SPATA13: variants seen among roughly 807,000 people sequenced by gnomAD.
The protein encoded by SPATA13 is spermatogenesis associated 13.
SPATA13 carries 50 observed loss-of-function variants against 104.0 expected under a neutral mutation model. That is an observed-to-expected ratio of 0.48 (90% CI 0.38 to 0.61). The LOEUF (loss-of-function observed/expected upper bound fraction) is 0.61. Among genes scored for constraint, SPATA13 ranks in the 20% least tolerant of loss-of-function variants. The pLI, the probability that SPATA13 is intolerant of heterozygous loss-of-function variation, is 0.00. For synonymous variants in SPATA13, 606 were observed against 667.5 expected (o/e 0.91, Z 1.42); for missense variants, 1,524 against 1,690.6 (o/e 0.90, Z 1.73).
At chr13:24,035,205 A>T (rs1877633127) in intron 3 of SPATA13, among the ~76,000 whole-genome samples, 1 of 152,134 alleles carries the variant, frequency 6.6e-6, no homozygotes, top group Non-Finnish European at 1.5e-5. Context: ...CCCAGGCTGG[A>T]ATGCAGAGGT....
At chr13:24,107,162 T>G (rs1463853723) in intron 3 of SPATA13, among the ~76,000 whole-genome samples, 1 of 134,122 alleles carries the variant, frequency 7.5e-6, no homozygotes, top group Non-Finnish European at 1.5e-5. Context: ...AAGCAGATAT[T>G]AAGTCTAGGA....
chr13:24,175,171 G>A (rs191948491), intron 1 of SPATA13, among the ~76,000 whole-genome samples: 1 of 152,276 alleles, frequency 6.6e-6, no homozygotes, highest in Admixed American at 6.5e-5. Flanking sequence ...TTTTGGTCGA[G>A]GGCATTAATC....
At chr13:24,014,016 AG>A (rs1876597787) in intron 2 of SPATA13, among the ~76,000 whole-genome samples, 1 of 152,148 alleles carries the variant, frequency 6.6e-6, no homozygotes, top group South Asian at 2.1e-4. Flanking sequence ...CGTCACGCAA[AG>A]GGGCTGTATA....
intron 3 of SPATA13, among the ~76,000 whole-genome samples, chr13:24,032,464 G>C (rs1307344465): frequency 2.0e-5 from 3 of 152,180 alleles, no homozygotes; most frequent in Non-Finnish European, 4.4e-5. Flanking sequence ...GGAATAAATG[G>C]AATGTTGTTG....
chr13:24,193,304 T>G (rs1869874836), intron 1 of SPATA13, among the ~76,000 whole-genome samples: 1 of 149,990 alleles, frequency 6.7e-6, no homozygotes. Context: ...CAAGGGAAAG[T>G]AGGTGAGGGT....
chr13:24,129,328 C>G (rs1209995452), intron 3 of SPATA13, among the ~76,000 whole-genome samples: 1 of 152,238 alleles, frequency 6.6e-6, no homozygotes, highest in Non-Finnish European at 1.5e-5. Context: ...TTTCATCCTT[C>G]AATTCCCATG....
rs1871767096 is a variant in SPATA13, at chr13:24,223,920, G to T, written c.991G>T (p.Ala331Ser). 6.4e-7 allele frequency: 1 copy of T among 1,551,470 alleles called. No individual in the cohort carries two copies. The highest frequency in any genetic ancestry group is 2.0e-5 in the Admixed American group (1 of 50,994). Reference protein sequence around the residue: ...FKLVSNVTEAAWRRESPRSGA... With the variant: ...FKLVSNVTEASWRRESPRSGA... ...ACTTGTGAGCAATGTGACTGAGGCT[G>T]CCTGGAGGAGGGAGAGTCCTAGGAG... The change falls in exon 2 of 13, where the codon GCC (alanine) becomes TCC (serine). Residue 331 changes from alanine (A) to serine (S), a missense_variant. Transcript: ENST00000382108.
intron 3 of SPATA13, among the ~76,000 whole-genome samples, chr13:24,100,246 T>C (rs142878764): frequency 9.5e-4 from 144 of 152,354 alleles, no homozygotes; most frequent in Non-Finnish European, 1.8e-3. Context: ...TGAACCTTTT[T>C]ACCAAGTGGC....
chr13:24,224,476 T>C lies in SPATA13; in HGVS notation c.1547T>C (p.Val516Ala). 1 of 1,551,264 alleles carries C rather than the reference T, an allele frequency of 6.4e-7. No individual in the cohort carries two copies. The highest frequency in any genetic ancestry group is 1.2e-5 in the South Asian group (1 of 84,062). ...CCTGCTCAGAGAGAGCCAGGGCCTGTGTCCTTGCAGGATCCCCTGGAAGCC... is the reference window on the plus strand; with the variant it reads ...CCTGCTCAGAGAGAGCCAGGGCCTGCGTCCTTGCAGGATCCCCTGGAAGCC... Reference protein sequence around the residue: ...EEPAQREPGPVSLQDPLEATH... With the variant: ...EEPAQREPGPASLQDPLEATH... The change falls in exon 2 of 13, where the codon GTG (valine) becomes GCG (alanine). Residue 516 changes from valine (V) to alanine (A), a missense_variant. Around this residue, in one of 2 missense-constraint regions of SPATA13, gnomAD observed 1,089 missense variants for 1,135.9 expected, o/e 0.96. Transcript: ENST00000382108.
rs1056026010 is a variant in SPATA13, at chr13:24,160,899, ACTTTGTAGGCTCCGCCAAGAGGCG to A, written c.-143_-120del. The A allele has an allele frequency of 3.0e-6, 3 of 985,284 alleles. No homozygotes were observed. In the African/African-American group the frequency reaches 5.2e-5, roughly 17 times the overall value. The allele number at this position is 985,284 out of a possible 1,614,324, so 61.0% of individuals were successfully genotyped here. On this transcript the variant is annotated 5_prime_UTR_variant, in exon 1 of 13. Coordinates refer to ENST00000382108, the MANE Select transcript of SPATA13 (RefSeq NM_001166271.3). ...GGGCAGGGACGTGTTGGACACGCTG[ACTTTGTAGGCTCCGCCAAGAGGCG>A]CCGCAGGAGGTAAGACGGCTTCGGG...
chr13:24,112,321 TA>T (rs1880666117), intron 3 of SPATA13, among the ~76,000 whole-genome samples: 5 of 65,878 alleles, frequency 7.6e-5, no homozygotes, highest in Non-Finnish European at 1.5e-4. Context: ...GTCAGTTTGC[TA>T]CTCTGCTCTT....
intron 9 of SPATA13, among the ~76,000 whole-genome samples, chr13:24,291,364 CTTG>C (rs1228177569): frequency 6.6e-6 from 1 of 152,200 alleles, no homozygotes; most frequent in Non-Finnish European, 1.5e-5. Context: ...CCTAAAGTTA[CTTG>C]TTGTTAAGCA....
At chr13:24,222,686 A>C in intron 1 of SPATA13, 133 bp from the exon 2 acceptor site, 7 of 663,958 alleles carry the variant, frequency 1.1e-5, no homozygotes, top group East Asian at 3.0e-5. Flanking sequence ...TGGAGGGGAA[A>C]TGTACAGTTT....
At position 24,297,385 on chromosome 13, in the gene SPATA13, G is replaced by A. The variant is rs1460745773; in HGVS notation, c.3233G>A (p.Ser1078Asn). 3 of 1,612,020 alleles carry A rather than the reference G, an allele frequency of 1.9e-6. No individual in the cohort carries two copies. Among genetic ancestry groups the A allele is most frequent in the Non-Finnish European group, 2.5e-6 (3 of 1,178,824 alleles). ...GWEGLDILDR[S>N]SELIHSGELT... is the part of the protein sequence containing the mutation. ...CAGGGACTGGATATCTTAGACCGAA[G>A]CTCAGAATTGATTCATTCTGGGGAG... Residue 1078 changes from serine to asparagine, a missense_variant, in exon 11 of 13, where the codon AGC (serine) becomes AAC (asparagine). By Grantham distance (46) the Ser-to-Asn change is conservative (BLOSUM62 1). Coordinates refer to ENST00000382108, the MANE Select transcript of SPATA13 (RefSeq NM_001166271.3).
chr13:24,179,886 G>C (rs1868691332), intron 1 of SPATA13, among the ~76,000 whole-genome samples: 1 of 152,112 alleles, frequency 6.6e-6, no homozygotes, highest in Non-Finnish European at 1.5e-5. Flanking sequence ...AGTTGTAAGG[G>C]TTTTTTATAT....
At chr13:24,050,020 C>T (rs1335824917) in intron 3 of SPATA13, among the ~76,000 whole-genome samples, 1 of 152,076 alleles carries the variant, frequency 6.6e-6, no homozygotes, top group Non-Finnish European at 1.5e-5. Context: ...TTACAGGTGC[C>T]CACCACCACG....
chr13:24,139,330 T>C (rs1419318235), intron 3 of SPATA13, among the ~76,000 whole-genome samples: 2 of 152,184 alleles, frequency 1.3e-5, no homozygotes, highest in African/African-American at 2.4e-5. Flanking sequence ...TAAGGTCCCA[T>C]TCACAGAGAT....
chr13:24,284,266 A>G lies in SPATA13; in HGVS notation c.2296A>G (p.Asn766Asp), dbSNP rs1260187075. 1.9e-6 allele frequency: 3 copies of G among 1,613,258 alleles called. No homozygotes were observed. The highest frequency in any genetic ancestry group is 2.7e-5 in the African/African-American group (2 of 74,894). ...LQPGGEQLAI[N>D]ELISDGNVVC... ...GCCCGGCGGGGAGCAGCTGGCCATC[A>G]ATGAGGTACTGGAATTCCACACGAC... is the stretch of plus-strand genomic sequence containing the variant. Residue 766 changes from asparagine to aspartate, a missense_variant, in exon 5 of 13, where the codon AAT (asparagine) becomes GAT (aspartate). Around this residue, in one of 2 missense-constraint regions of SPATA13, gnomAD observed 1,089 missense variants for 1,135.9 expected, o/e 0.96. Transcript: ENST00000382108.
chr13:24,260,509 A>G (rs1874008091), intron 4 of SPATA13, among the ~76,000 whole-genome samples: 1 of 152,200 alleles, frequency 6.6e-6, no homozygotes, highest in African/African-American at 2.4e-5. Flanking sequence ...CAGTTGCTTT[A>G]TTATGATGAT....
Sources: allele counts gnomAD v4.1 joint callset (sites outside exome capture counted in the v4.1 genomes callset), GRCh38; gene constraint gnomAD v4.1.1; regional missense constraint gnomAD v4.1.1; transcripts MANE v1.5; gene names NCBI Gene and HGNC (gene_info 2026-07-23, HGNC 2026-07-21).